PDE1C: variants seen among roughly 807,000 people sequenced by gnomAD.
The protein encoded by PDE1C is dual specificity calcium/calmodulin-dependent 3',5'-cyclic nucleotide phosphodiesterase 1C.
Under a neutral mutation model 93.1 loss-of-function variants are expected in PDE1C, and 62 were observed. The observed-to-expected ratio is 0.67, with a 90% CI of 0.54 to 0.82. The LOEUF is 0.82. PDE1C is among the 40% of genes least tolerant of loss of function. The pLI is 0.00. For missense variants in PDE1C, 742 were observed against 884.6 expected, an observed-to-expected ratio of 0.84 and a Z score of 2.04; for synonymous variants, 325 against 310.1, an observed-to-expected ratio of 1.05 and a Z score of -0.50.
At position 32,099,551 on chromosome 7, in the gene PDE1C, T is replaced by C. The variant is rs1278337922; in HGVS notation, c.308+70234A>G. 2.0e-5 allele frequency among the ~76,000 whole-genome samples: 3 copies of C among 152,246 alleles called. 1 individual carries two copies. The highest frequency in any genetic ancestry group is 4.4e-5 in the Non-Finnish European group (3 of 68,044). ...GTTCTGTACAAGTCCTTGTACATTA[T>C]ACAGTTAGATAATGAGGACATTAAC... On this transcript the variant is annotated intron_variant, in intron 3 of 18. Transcript: ENST00000396193.
intron 1 of PDE1C, among the ~76,000 whole-genome samples, chr7:32,348,742 C>A (rs1783901648): frequency 6.6e-6 from 1 of 152,122 alleles, no homozygotes; most frequent in African/African-American, 2.4e-5. Flanking sequence ...GGGGACTCCC[C>A]AGATGGCCAT....
At chr7:31,787,056 T>C (rs930441389) in intron 16 of PDE1C, 7 of 152,156 alleles carry the variant, frequency 4.6e-5, no homozygotes, top group African/African-American at 1.2e-4. Flanking sequence ...TTCCAAAATA[T>C]GGATAACAAA....
chr7:32,374,240 A>AAGAGAG (rs1784386738), intron 1 of PDE1C, among the ~76,000 whole-genome samples: 5 of 141,096 alleles, frequency 3.5e-5, no homozygotes, highest in African/African-American at 1.3e-4. Context: ...AAAAGAAAGA[A>AAGAGAG]GGAAGGAAAG....
At chr7:31,671,773 C>T in the PDE1C span, among the ~76,000 whole-genome samples, 8 of 152,252 alleles carry the variant, frequency 5.3e-5, no homozygotes, top group African/African-American at 1.9e-4. Flanking sequence ...TGGAAAGCAA[C>T]CTATAAATTC....
chr7:31,935,938 C>T (rs73308680), intron 2 of PDE1C, among the ~76,000 whole-genome samples: 1 of 152,184 alleles, frequency 6.6e-6, no homozygotes, highest in African/African-American at 2.4e-5. Context: ...ACTTATTACC[C>T]AGCTTCTTAC....
intron 5 of PDE1C, among the ~76,000 whole-genome samples, chr7:31,875,010 T>C (rs1182032151): frequency 6.6e-6 from 1 of 152,232 alleles, no homozygotes; most frequent in Non-Finnish European, 1.5e-5. Flanking sequence ...CATGAATATG[T>C]GCTGTGACCC....
At chr7:31,675,320 T>C in the PDE1C span, among the ~76,000 whole-genome samples, 2 of 152,314 alleles carry the variant, frequency 1.3e-5, no homozygotes, top group African/African-American at 4.8e-5. Context: ...GTCAGTTTCA[T>C]GATTTCTGGG....
At chr7:32,267,586 ACTCTCTCTCTCT>A (rs57210713) in intron 1 of PDE1C, among the ~76,000 whole-genome samples, 174 of 117,398 alleles carry the variant, frequency 1.5e-3, no homozygotes, top group Middle Eastern at 4.9e-3. Flanking sequence ...ACACACACAC[ACTCTCTCTCTCT>A]CTCTCTCTCT....
chr7:31,911,365 C>G (rs1340783010), intron 2 of PDE1C, among the ~76,000 whole-genome samples: 1 of 152,124 alleles, frequency 6.6e-6, no homozygotes, highest in Admixed American at 6.6e-5. Context: ...TGTGGCCTTT[C>G]TACCTGATGT....
intron 2 of PDE1C, among the ~76,000 whole-genome samples, chr7:31,896,452 C>T (rs534758223): frequency 6.6e-6 from 1 of 152,298 alleles, no homozygotes; most frequent in African/African-American, 2.4e-5. Flanking sequence ...TTTATTCCCA[C>T]CACTGTTACT....
At chr7:31,737,902 GC>G in the PDE1C span, among the ~76,000 whole-genome samples, 1 of 151,428 alleles carries the variant, frequency 6.6e-6, no homozygotes, top group South Asian at 2.1e-4. Flanking sequence ...AGAGATTTAA[GC>G]CCTGTTTGCC....
intron 1 of PDE1C, among the ~76,000 whole-genome samples, chr7:32,412,229 C>A (rs1383635811): frequency 6.6e-6 from 1 of 151,866 alleles, no homozygotes; most frequent in East Asian, 1.9e-4. Flanking sequence ...CTGAGGCAGG[C>A]GGATTACCTG....
rs572963103 is a variant in PDE1C, at chr7:31,912,319, C to T, written c.129-31459G>A. Among the ~76,000 whole-genome samples, 11 of 152,198 alleles carry T rather than the reference C, an allele frequency of 7.2e-5. No individual in the cohort carries two copies. The South Asian group carries it at 1.5e-3, about 20-fold the overall frequency. On this transcript the variant is annotated intron_variant, in intron 2 of 17. Transcript: ENST00000396191. ...TAACATACAGATGTCTTTTCATTTGCTCAAAACCATGCTTCTGAAATGAGA... is the reference window on the plus strand; with the variant it reads ...TAACATACAGATGTCTTTTCATTTGTTCAAAACCATGCTTCTGAAATGAGA...
chr7:31,781,134 C>T (rs913912435), intron 16 of PDE1C, among the ~76,000 whole-genome samples: 6 of 152,196 alleles, frequency 3.9e-5, no homozygotes, highest in African/African-American at 1.2e-4. Flanking sequence ...TAAGGCTACC[C>T]GCCTCAGGGT....
chr7:31,743,575 G>T, the PDE1C span, among the ~76,000 whole-genome samples: 1 of 147,876 alleles, frequency 6.8e-6, no homozygotes, highest in African/African-American at 2.5e-5. Flanking sequence ...GTGTGTGTGC[G>T]CACACACACA....
intron 7 of PDE1C, among the ~76,000 whole-genome samples, chr7:31,851,991 C>T (rs1793399042): frequency 6.6e-6 from 1 of 152,116 alleles, no homozygotes; most frequent in Admixed American, 6.6e-5. Flanking sequence ...TGTGAGTATC[C>T]AAACTGGTGA....
At chr7:31,860,382 A>G (rs1794547883) in intron 7 of PDE1C, among the ~76,000 whole-genome samples, 1 of 152,160 alleles carries the variant, frequency 6.6e-6, no homozygotes. Flanking sequence ...AGGTTGAGAA[A>G]CCCTGCTCTA....
chr7:31,793,275 A>C (rs992028925), intron 16 of PDE1C, among the ~76,000 whole-genome samples: 5 of 152,088 alleles, frequency 3.3e-5, no homozygotes, highest in Non-Finnish European at 1.5e-5. Flanking sequence ...ATCCATTATA[A>C]TGTTTATTCC....
At chr7:32,101,123 C>G (rs187970377) in intron 3 of PDE1C, among the ~76,000 whole-genome samples, 24 of 152,288 alleles carry the variant, frequency 1.6e-4, no homozygotes, top group Admixed American at 1.6e-3. Flanking sequence ...TTGTTCATTT[C>G]TAAAACATTC....
Sources: gnomAD v4.1 joint callset for allele counts (sites outside exome capture counted in the v4.1 genomes callset) on GRCh38, gnomAD v4.1.1 for gene constraint, MANE v1.5 for transcripts, NCBI Gene and HGNC (gene_info 2026-07-23, HGNC 2026-07-21) for gene names.